ATP8A1: variants seen among roughly 807,000 people sequenced by gnomAD.
The protein encoded by ATP8A1 is phospholipid-transporting ATPase IA.
ATP8A1 carries 90 observed loss-of-function variants against 177.7 expected under a neutral mutation model. The ratio of observed to expected loss-of-function variants is 0.51; its 90% CI spans 0.43 to 0.60. The LOEUF (loss-of-function observed/expected upper bound fraction) is 0.60. ATP8A1 is among the 20% of genes least tolerant of loss of function. The pLI is 0.00. For synonymous variants in ATP8A1, 493 were observed against 485.9 expected, an observed-to-expected ratio of 1.01 and a Z score of -0.19; for missense variants, 1,072 against 1,392.8, an observed-to-expected ratio of 0.77 and a Z score of 3.67.
chr4:42,644,704 C>T (rs1024968230), intron 1 of ATP8A1, among the ~76,000 whole-genome samples: 2 of 129,028 alleles, frequency 1.6e-5, no homozygotes, highest in East Asian at 4.6e-4. Flanking sequence ...ACCCAGCGCC[C>T]ATCAGAGCGG....
At chr4:42,458,624 A>G (rs1435616209) in intron 27 of ATP8A1, among the ~76,000 whole-genome samples, 2 of 152,250 alleles carry the variant, frequency 1.3e-5, no homozygotes, top group African/African-American at 4.8e-5. Context: ...GCTGTAATTT[A>G]CAGCAATGGA....
At chr4:42,430,620 C>A (rs1715174397) in intron 33 of ATP8A1, among the ~76,000 whole-genome samples, 1 of 152,126 alleles carries the variant, frequency 6.6e-6, no homozygotes, top group African/African-American at 2.4e-5. Context: ...CTGATCCTCT[C>A]TCTTCTCCCA....
intron 29 of ATP8A1, among the ~76,000 whole-genome samples, chr4:42,454,308 G>A (rs750689899): frequency 3.3e-5 from 5 of 152,138 alleles, no homozygotes; most frequent in African/African-American, 7.2e-5. Flanking sequence ...TATTCTCTTG[G>A]CATATGGAAA....
Position 42,588,386 on chromosome 4 carries a change from T to TAAC in ATP8A1, c.525-60_525-58dup, listed in dbSNP as rs1733838671. ...TAGTGCGGGAAGAAAAGCATAATAA[T>TAAC]AACTTATTTAAATGCTCAGACTCAC... On this transcript the variant is annotated intron_variant, in intron 7 of 36. Transcript: ENST00000381668. 5 of 1,410,304 alleles carry TAAC rather than the reference T, an allele frequency of 3.5e-6. No individual in the cohort carries two copies. In the African/African-American group the frequency reaches 5.7e-5, roughly 16 times the overall value. The allele number at this position is 1,410,304 out of a possible 1,614,324, so 87.4% of individuals were successfully genotyped here. A position where few individuals can be genotyped will look rare whatever the true frequency, so the allele number is the denominator to read the frequency against.
chr4:42,560,846 A>G (rs1392687121), intron 15 of ATP8A1, among the ~76,000 whole-genome samples: 2 of 152,080 alleles, frequency 1.3e-5, no homozygotes, highest in African/African-American at 4.8e-5. Flanking sequence ...GTAATTTGAG[A>G]TTTTTGCCAT....
At chr4:42,423,809 C>T in intron 33 of ATP8A1, 104 bp from the exon 34 acceptor site, 1 of 721,664 alleles carries the variant, frequency 1.4e-6, no homozygotes, top group Admixed American at 2.4e-5. Context: ...GAATATCATT[C>T]TGTAAGAGAG....
At chr4:42,619,972 C>T (rs901089069) in intron 4 of ATP8A1, among the ~76,000 whole-genome samples, 2 of 152,116 alleles carry the variant, frequency 1.3e-5, no homozygotes, top group African/African-American at 4.8e-5. Flanking sequence ...TCCCTGATGC[C>T]CACCATCACG....
chr4:42,514,310 T>C (rs1055434467), intron 22 of ATP8A1, among the ~76,000 whole-genome samples: 3 of 152,064 alleles, frequency 2.0e-5, no homozygotes, highest in African/African-American at 7.2e-5. Flanking sequence ...AAACAACGCA[T>C]CCATCTTATC....
At chr4:42,588,389 C>T in intron 7 of ATP8A1, 60 bp from the exon 8 acceptor site, 1 of 1,391,344 alleles carries the variant, frequency 7.2e-7, no homozygotes, top group African/African-American at 1.4e-5. Flanking sequence ...ATAATAATAA[C>T]TTATTTAAAT....
intron 29 of ATP8A1, 46 bp from the exon 30 acceptor site, chr4:42,452,105 C>T: frequency 7.7e-7 from 1 of 1,304,570 alleles, no homozygotes; most frequent in Non-Finnish European, 1.1e-6. Flanking sequence ...GATAAACTAG[C>T]TCTGTGAACT....
intron 5 of ATP8A1, among the ~76,000 whole-genome samples, chr4:42,608,047 A>G (rs1204741779): frequency 1.3e-5 from 2 of 152,236 alleles, no homozygotes; most frequent in African/African-American, 2.4e-5. Flanking sequence ...GAGAGCTCAG[A>G]CTAAACAATT....
chr4:42,588,919 CTA>C (rs1733891102), intron 7 of ATP8A1, among the ~76,000 whole-genome samples: 3 of 152,226 alleles, frequency 2.0e-5, no homozygotes, highest in South Asian at 4.1e-4. Context: ...CTTTCTCCCT[CTA>C]TGTTTTCCAC....
chr4:42,530,469 C>T (rs975635836), intron 20 of ATP8A1, among the ~76,000 whole-genome samples: 14 of 152,256 alleles, frequency 9.2e-5, no homozygotes, highest in Admixed American at 9.2e-4. Flanking sequence ...ATCTTCCACA[C>T]AGTACTGCCT....
At chr4:42,604,537 C>T (rs1209201001) in intron 5 of ATP8A1, among the ~76,000 whole-genome samples, 3 of 152,154 alleles carry the variant, frequency 2.0e-5, no homozygotes, top group African/African-American at 7.2e-5. Context: ...ACTGAAGATA[C>T]AACTCCACTA....
At chr4:42,613,860 A>C (rs927687933) in intron 5 of ATP8A1, among the ~76,000 whole-genome samples, 2 of 151,104 alleles carry the variant, frequency 1.3e-5, no homozygotes, top group African/African-American at 4.9e-5. Flanking sequence ...CTGGAATTAC[A>C]GGCATGAGCC....
At chr4:42,414,778 C>T (rs970469551) in intron 35 of ATP8A1, 60 bp from the exon 36 acceptor site, 18 of 1,225,626 alleles carry the variant, frequency 1.5e-5, no homozygotes, top group Non-Finnish European at 2.2e-5. Flanking sequence ...CCCCAGTGTG[C>T]CCACAGGACC....
chr4:42,547,568 G>T (rs1578141942), intron 19 of ATP8A1, among the ~76,000 whole-genome samples: 1 of 152,120 alleles, frequency 6.6e-6, no homozygotes, highest in Admixed American at 6.5e-5. Context: ...GCAATTAATA[G>T]ACTACTTAAT....
intron 6 of ATP8A1, among the ~76,000 whole-genome samples, chr4:42,596,306 C>T (rs979171700): frequency 3.3e-5 from 5 of 152,304 alleles, no homozygotes; most frequent in African/African-American, 1.2e-4. Context: ...CTTCTGAAGT[C>T]ACTCATATTT....
intron 6 of ATP8A1, among the ~76,000 whole-genome samples, chr4:42,591,460 T>C (rs1343965193): frequency 6.6e-6 from 1 of 152,172 alleles, no homozygotes; most frequent in Non-Finnish European, 1.5e-5. Flanking sequence ...AGCTTTGCAT[T>C]ATGCCTTAGG....
Sources: gnomAD v4.1 joint callset for allele counts (sites outside exome capture counted in the v4.1 genomes callset) on GRCh38, gnomAD v4.1.1 for gene constraint, MANE v1.5 for transcripts, NCBI Gene and HGNC (gene_info 2026-07-23, HGNC 2026-07-21) for gene names.